Variants in ANKRD12 observed in about 807,000 individuals in gnomAD.
ANKRD12 encodes the protein ankyrin repeat domain 12.
ANKRD12 carries 85 observed loss-of-function variants against 183.4 expected under a neutral mutation model. The observed-to-expected ratio is 0.46, with a 90% CI of 0.39 to 0.56. ANKRD12 has a LOEUF of 0.56. Among genes scored for constraint, ANKRD12 ranks in the 20% least tolerant of loss-of-function variants. The probability of loss-of-function intolerance (pLI) is 0.00; values close to 1 mark genes in which losing one functional copy is unlikely to be tolerated. For synonymous variants in ANKRD12, 914 were observed against 800.2 expected (o/e 1.14, Z -2.40); for missense variants, 2,405 against 2,357.1 (o/e 1.02, Z -0.42).
At chr18:9,181,532 A>G (rs2033700677) in intron 1 of ANKRD12, among the ~76,000 whole-genome samples, 1 of 152,200 alleles carries the variant, frequency 6.6e-6, no homozygotes, top group Admixed American at 6.5e-5. Context: ...GCCTCAATCT[A>G]GCCCAGTGCT....
intron 1 of ANKRD12, among the ~76,000 whole-genome samples, chr18:9,147,939 G>A (rs888699686): frequency 6.6e-6 from 1 of 152,194 alleles, no homozygotes; most frequent in African/African-American, 2.4e-5. Flanking sequence ...AAAGGAGATG[G>A]CAGAATTCTT....
Position 9,285,098 on chromosome 18 carries a change from A to C in ANKRD12, c.*3972A>C, listed in dbSNP as rs1038745576. On this transcript the variant is annotated 3_prime_UTR_variant, in exon 13 of 13. Transcript: ENST00000262126. ...GCCGCGGGCGCCTGTAGTTCCAGCT[A>C]CTCGGGAGGCTGAGGCAGGAGAATG... 2 of 152,010 alleles carry C rather than the reference A, an allele frequency of 1.3e-5. No individual in the cohort carries two copies. Among genetic ancestry groups the C allele is most frequent in the Non-Finnish European group, 2.9e-5 (2 of 68,172 alleles). The allele number at this position is 152,010 out of a possible 1,614,324, so 9.4% of individuals were successfully genotyped here.
chr18:9,222,492 T>G (rs1277932566), intron 8 of ANKRD12, among the ~76,000 whole-genome samples: 1 of 151,402 alleles, frequency 6.6e-6, no homozygotes, highest in African/African-American at 2.4e-5. Flanking sequence ...TAAACACAAT[T>G]TTTTTTTAAA....
chr18:9,145,769 T>C (rs986396890), intron 1 of ANKRD12, among the ~76,000 whole-genome samples: 3 of 152,236 alleles, frequency 2.0e-5, no homozygotes, highest in Admixed American at 6.5e-5. Flanking sequence ...GGAAATGATA[T>C]AATACACATT....
At chr18:9,221,711 C>A in intron 7 of ANKRD12, 141 bp from the exon 8 acceptor site, 1 of 773,540 alleles carries the variant, frequency 1.3e-6, no homozygotes, top group South Asian at 2.6e-5. Flanking sequence ...AAGAGAATAA[C>A]GATTTAGAGT....
Position 9,257,557 on chromosome 18 carries a change from C to T in ANKRD12, c.4290C>T (p.Ser1430=). The T allele has an allele frequency of 1.9e-6, 3 of 1,614,074 alleles. No individual in the cohort carries two copies. Among genetic ancestry groups the T allele is most frequent in the East Asian group, 2.2e-5 (1 of 44,882 alleles). The change falls in exon 9 of 13, where the codon AGC becomes AGT. Residue 1430 remains serine (S), a synonymous_variant. Transcript: ENST00000262126. ...EMPVDRLETL[S]TRDFICPNSN... is the part of the protein sequence containing the mutation. ...CTGTTGATAGACTAGAGACATTAAG[C>T]ACCAGAGACTTTATCTGCCCAAATT...
chr18:9,145,657 T>C (rs973372560), intron 1 of ANKRD12, among the ~76,000 whole-genome samples: 1 of 152,218 alleles, frequency 6.6e-6, no homozygotes, highest in African/African-American at 2.4e-5. Flanking sequence ...GAGGGTGGTC[T>C]GACTGGCATA....
chr18:9,179,967 G>A (rs2144142435), intron 1 of ANKRD12, among the ~76,000 whole-genome samples: 1 of 152,314 alleles, frequency 6.6e-6, no homozygotes, highest in Non-Finnish European at 1.5e-5. Context: ...AGATATTTCT[G>A]TAAACATCAA....
intron 1 of ANKRD12, among the ~76,000 whole-genome samples, chr18:9,180,630 T>C (rs1036439726): frequency 5.3e-5 from 8 of 152,162 alleles, no homozygotes; most frequent in African/African-American, 1.9e-4. Context: ...CTTTAGGGAT[T>C]ACAGTATACA....
intron 1 of ANKRD12, among the ~76,000 whole-genome samples, chr18:9,159,792 G>A (rs1221200495): frequency 2.0e-5 from 3 of 147,342 alleles, no homozygotes; most frequent in African/African-American, 5.0e-5. Flanking sequence ...TACATGTATA[G>A]TAGTTTCAGA....
chr18:9,281,150 T>C lies in ANKRD12; in HGVS notation c.*24T>C. 6.3e-7 allele frequency: 1 copy of C among 1,584,522 alleles called. No homozygotes were observed. On this transcript the variant is annotated 3_prime_UTR_variant, in exon 13 of 13. Transcript: ENST00000262126. ...AGCAGTCAGTACTTCCTGATGGTATTGTCCTAAACTGGTGATGCTCAAGCA... is the reference window on the plus strand; with the variant it reads ...AGCAGTCAGTACTTCCTGATGGTATCGTCCTAAACTGGTGATGCTCAAGCA...
At chr18:9,153,445 C>T (rs764123188) in intron 1 of ANKRD12, among the ~76,000 whole-genome samples, 15 of 152,094 alleles carry the variant, frequency 9.9e-5, no homozygotes, top group Admixed American at 8.5e-4. Context: ...TTTTCAGTTT[C>T]GTTGTAATGT....
intron 1 of ANKRD12, 27 bp downstream of exon 1, chr18:9,136,992 G>C (rs1275719511): frequency 6.6e-6 from 1 of 152,592 alleles, no homozygotes; most frequent in Non-Finnish European, 1.5e-5. Flanking sequence ...GGGGCGTGGC[G>C]ACAGGAAAGG....
rs1049436220 is a variant in ANKRD12, at chr18:9,254,847, C to T, written c.1580C>T (p.Pro527Leu). The T allele has an allele frequency of 2.0e-6, 3 of 1,498,092 alleles. No homozygotes were observed. The highest frequency in any genetic ancestry group is 2.7e-6 in the Non-Finnish European group (3 of 1,126,600). The allele number at this position is 1,498,092 out of a possible 1,614,324, so 92.8% of individuals were successfully genotyped here. ...EEGNFRKSFS[P>L]KDDTSLHLFH... is the part of the protein sequence containing the mutation. ...GGGAACTTTAGGAAATCTTTTAGCC[C>T]AAAAGATGATACTTCATTACATTTA... is the stretch of plus-strand genomic sequence containing the variant. Residue 527 changes from proline (P) to leucine (L), a missense_variant, in exon 9 of 13, where the codon CCA becomes CTA. By Grantham distance (98) the Pro-to-Leu change is moderately conservative. Around this residue, in one of 7 missense-constraint regions of ANKRD12, gnomAD observed 1,983 missense variants for 1,725.9 expected, o/e 1.15. Coordinates refer to ENST00000262126, the MANE Select transcript of ANKRD12 (RefSeq NM_015208.5).
chr18:9,255,787 C>A lies in ANKRD12; in HGVS notation c.2520C>A (p.Thr840=). 2 of 1,570,610 alleles carry A rather than the reference C, an allele frequency of 1.3e-6. No homozygotes were observed. Among genetic ancestry groups the A allele is most frequent in the Non-Finnish European group, 8.6e-7 (1 of 1,167,192 alleles). Residue 840 remains threonine (T), a synonymous_variant, in exon 9 of 13, where the codon ACC becomes ACA. Coordinates refer to ENST00000262126, the MANE Select transcript of ANKRD12 (RefSeq NM_015208.5). ...ACATTGAGAAGATGGAAAGAAAAAC[C>A]TTTGAAAAAGAAAAGAAGATAAAAC... ...EKDIEKMERK[T]FEKEKKIKHE... is the part of the protein sequence containing the mutation.
At chr18:9,159,201 C>T (rs2031042328) in intron 1 of ANKRD12, among the ~76,000 whole-genome samples, 1 of 152,078 alleles carries the variant, frequency 6.6e-6, no homozygotes, top group African/African-American at 2.4e-5. Flanking sequence ...TGTGGATTCT[C>T]TCCAGCTGAC....
intron 1 of ANKRD12, among the ~76,000 whole-genome samples, chr18:9,176,475 G>A (rs186629745): frequency 5.3e-4 from 81 of 152,074 alleles, no homozygotes; most frequent in South Asian, 1.0e-3. Context: ...ATTTTTTGTA[G>A]AGGCGGGGTT....
intron 3 of ANKRD12, among the ~76,000 whole-genome samples, chr18:9,199,393 G>A (rs866594982): frequency 1.2e-4 from 18 of 152,122 alleles, no homozygotes; most frequent in African/African-American, 3.6e-4. Context: ...GTGTATATAC[G>A]TGCACACATG....
chr18:9,145,576 A>G (rs570441843), intron 1 of ANKRD12, among the ~76,000 whole-genome samples: 5 of 152,298 alleles, frequency 3.3e-5, no homozygotes, highest in South Asian at 2.1e-4. Context: ...CTTGTTCTCT[A>G]TTCCATCACG....
Sources: allele counts gnomAD v4.1 joint callset (sites outside exome capture counted in the v4.1 genomes callset), GRCh38; gene constraint gnomAD v4.1.1; regional missense constraint gnomAD v4.1.1; transcripts MANE v1.5; gene names NCBI Gene and HGNC (gene_info 2026-07-23, HGNC 2026-07-21).